The following TNIP1 variants were observed in gnomAD, a reference collection of about 807,000 sequenced individuals.
TNIP1 encodes TNFAIP3-interacting protein 1.
A neutral mutation model predicts 86.6 loss-of-function variants in TNIP1; 22 were observed. That is an observed-to-expected ratio of 0.25 (90% confidence interval 0.18 to 0.36). TNIP1 has a LOEUF of 0.36. Ranked by LOEUF, TNIP1 falls within the 10% of genes least tolerant of loss-of-function variation. The pLI is 1.00. For missense variants in TNIP1, 709 were observed against 820.6 expected (o/e 0.86, Z 1.66); for synonymous variants, 294 against 313.0 (o/e 0.94, Z 0.64).
chr5:151,077,258 G>A (rs1763497602), intron 1 of TNIP1, among the ~76,000 whole-genome samples: 1 of 152,130 alleles, frequency 6.6e-6, no homozygotes, highest in Non-Finnish European at 1.5e-5. Flanking sequence ...TATTTATGAG[G>A]GCAGAGCTGA....
intron 1 of TNIP1, among the ~76,000 whole-genome samples, chr5:151,069,300 A>C (rs12109187): frequency 0.08 from 12,161 of 152,302 alleles, 1,001 homozygotes; most frequent in African/African-American, 0.21. Context: ...TCCCATTAGC[A>C]GTGTTCTGGT....
At chr5:151,075,744 C>T (rs754797140) in intron 1 of TNIP1, among the ~76,000 whole-genome samples, 11 of 152,242 alleles carry the variant, frequency 7.2e-5, no homozygotes, top group Non-Finnish European at 1.3e-4. Flanking sequence ...GCTGCTGAAG[C>T]TGACTATAGC....
intron 1 of TNIP1, among the ~76,000 whole-genome samples, chr5:151,079,599 G>A (rs1032495939): frequency 2.0e-5 from 3 of 148,412 alleles, no homozygotes; most frequent in African/African-American, 2.5e-5. Context: ...TCCAGCCTGG[G>A]TAACAGAGTG....
chr5:151,049,249 A>G (rs536586444), intron 8 of TNIP1, among the ~76,000 whole-genome samples: 33 of 152,264 alleles, frequency 2.2e-4, no homozygotes, highest in African/African-American at 6.7e-4. Flanking sequence ...CAAGGGGTGC[A>G]GAGTCTGCTC....
chr5:151,081,801 A>G (rs1764047671), upstream of TNIP1, among the ~76,000 whole-genome samples: 1 of 152,172 alleles, frequency 6.6e-6, no homozygotes, highest in South Asian at 2.1e-4. Context: ...ACCTACTTAT[A>G]TGTGGGCTAG....
At chr5:151,083,279 A>G (rs1418828012), upstream of TNIP1, among the ~76,000 whole-genome samples, 3 of 152,236 alleles carry the variant, frequency 2.0e-5, no homozygotes, top group African/African-American at 7.2e-5. Context: ...TGGACAATGC[A>G]AATAAAGCCC....
chr5:151,065,065 C>T lies in TNIP1; in HGVS notation c.31G>A (p.Asp11Asn). 6.2e-7 allele frequency: 1 copy of T among 1,614,122 alleles called. No individual in the cohort carries two copies. The highest frequency in any genetic ancestry group is 8.5e-7 in the Non-Finnish European group (1 of 1,180,026). Residue 11 changes from aspartate to asparagine, a missense_variant, in exon 2 of 18, where the codon GAC (aspartate) becomes AAC (asparagine). Coordinates refer to ENST00000521591, the MANE Select transcript of TNIP1 (RefSeq NM_006058.5). ...CCTGAGGGCACGCTGCCCCCAGGGT[C>T]GTAGATCCGGTACGGTCCTCTCCCT... The part of the protein sequence containing the change: MEGRGPYRIY[D>N]PGGSVPSGEA...
intron 9 of TNIP1, among the ~76,000 whole-genome samples, chr5:151,043,943 C>A (rs1329439059): frequency 6.6e-6 from 1 of 151,956 alleles, no homozygotes; most frequent in Non-Finnish European, 1.5e-5. Flanking sequence ...ATTGGCCCTG[C>A]CCCTTAAGAT....
rs1380452622 is a variant in TNIP1, at chr5:151,029,951, T to A, written c.*762A>T. On this transcript the variant is annotated 3_prime_UTR_variant, in exon 18 of 18. Coordinates refer to ENST00000521591, the MANE Select transcript of TNIP1 (RefSeq NM_006058.5). ...ATGAACATGAGTCAGAATGTTGATC[T>A]TCTTCAACTTGGATTTATGTCCATG... 2.4e-6 allele frequency: 1 copy of A among 416,124 alleles called. No homozygotes were observed. The highest frequency in any genetic ancestry group is 1.6e-5 in the South Asian group (1 of 61,284). 25.8% of individuals were successfully genotyped at this position (416,124 alleles called of 1,614,324 possible). A position where few individuals can be genotyped will look rare whatever the true frequency, so the allele number is the denominator to read the frequency against.
At chr5:151,034,020 G>C (rs1259391385) in intron 15 of TNIP1, among the ~76,000 whole-genome samples, 1 of 152,212 alleles carries the variant, frequency 6.6e-6, no homozygotes, top group Non-Finnish European at 1.5e-5. Context: ...GGCATGGAAG[G>C]CTGGGTACAC....
intron 1 of TNIP1, among the ~76,000 whole-genome samples, chr5:151,079,308 C>A (rs1763736777): frequency 6.6e-6 from 1 of 152,136 alleles, no homozygotes; most frequent in Non-Finnish European, 1.5e-5. Context: ...GTTTCCTCAT[C>A]TGAAAATTAA....
chr5:151,041,995 C>T lies in TNIP1; in HGVS notation c.1134+545G>A, dbSNP rs77698227. Among the ~76,000 whole-genome samples, 329 of 148,914 alleles carry T rather than the reference C, an allele frequency of 2.2e-3. No individual in the cohort carries two copies. In the East Asian group the frequency reaches 0.029, roughly 13 times the overall value. On this transcript the variant is annotated intron_variant, in intron 11 of 17. Transcript: ENST00000521591. Reference sequence around the variant, plus strand: ...CACTCTTGTTCCCCAGGCTGGAGTGCGATGGTGCAATCTTGACTCACTGCA... The same window carrying T: ...CACTCTTGTTCCCCAGGCTGGAGTGTGATGGTGCAATCTTGACTCACTGCA...
intron 16 of TNIP1, 40 bp from the exon 17 acceptor site, chr5:151,032,423 C>A (rs1210882555): frequency 1.3e-6 from 2 of 1,576,974 alleles, no homozygotes; most frequent in South Asian, 1.1e-5. Flanking sequence ...TAATCACACC[C>A]AAAAATTACA....
intron 12 of TNIP1, 180 bp from the exon 13 acceptor site, chr5:151,037,101 G>T (rs1286012084): frequency 1.4e-5 from 10 of 698,826 alleles, no homozygotes; most frequent in South Asian, 4.4e-5. Flanking sequence ...CATTTCATTG[G>T]ATCTTCTGCA....
intron 11 of TNIP1, 134 bp downstream of exon 11, chr5:151,042,405 GT>G: frequency 8.6e-7 from 1 of 1,165,818 alleles, no homozygotes; most frequent in Non-Finnish European, 1.2e-6. Context: ...GAACGTGCCT[GT>G]GTTTTTGGTC....
intron 13 of TNIP1, among the ~76,000 whole-genome samples, chr5:151,036,164 C>T (rs986650720): frequency 5.9e-5 from 9 of 152,168 alleles, no homozygotes; most frequent in East Asian, 3.9e-4. Context: ...TGTAGTTTCA[C>T]ATCCTTAGTG....
At position 151,039,177 on chromosome 5, in the gene TNIP1, C is replaced by T. The variant is rs768942200; in HGVS notation, c.1183G>A (p.Val395Ile). The part of the protein sequence containing the change: ...TAEAKELRQK[V>I]KYLQDQLSPL... ...CTCAGCTGATCCTGCAGGTACTTGACCTTTTGGCGCAGCTCCTTGGCCTCT... is the reference window on the plus strand; with the variant it reads ...CTCAGCTGATCCTGCAGGTACTTGATCTTTTGGCGCAGCTCCTTGGCCTCT... Residue 395 changes from valine (V) to isoleucine (I), a missense_variant, in exon 12 of 18, where the codon GTC becomes ATC. Val to Ile is a conservative substitution (Grantham distance 29). Coordinates refer to ENST00000521591, the MANE Select transcript of TNIP1 (RefSeq NM_006058.5). 6.2e-7 allele frequency: 1 copy of T among 1,613,932 alleles called. No individual in the cohort carries two copies. Among genetic ancestry groups the T allele is most frequent in the Non-Finnish European group, 8.5e-7 (1 of 1,179,976 alleles).
rs1758639241 is a variant in TNIP1 at position 151,042,965 on chromosome 5, T to C, written c.937-4A>G. The stretch of plus-strand genomic sequence containing the variant: ...ACTGCTTGTTCACTTCCAGCAGCTG[T>C]GGGGAGAGACTGGAGTTAGCAGGAG... On this transcript the variant is annotated splice_polypyrimidine_tract_variant and splice_region_variant and intron_variant, in intron 9 of 17. Transcript: ENST00000521591. The C allele has an allele frequency of 5.0e-6, 8 of 1,613,986 alleles. No individual in the cohort carries two copies. The East Asian group carries it at 1.3e-4, about 27-fold the overall frequency.
chr5:151,080,227 C>T (rs918498), intron 1 of TNIP1: 35,466 of 152,146 alleles, frequency 0.23, 5,571 homozygotes, highest in East Asian at 0.57. Flanking sequence ...CACACAAATG[C>T]CTCCAACAAT....
Sources: allele counts gnomAD v4.1 joint callset (sites outside exome capture counted in the v4.1 genomes callset), GRCh38; gene constraint gnomAD v4.1.1; transcripts MANE v1.5; gene names NCBI Gene and HGNC (gene_info 2026-07-23, HGNC 2026-07-21).